EHBP1: variants seen among roughly 807,000 people sequenced by gnomAD.
The protein encoded by EHBP1 is EH domain binding protein 1.
In EHBP1, 55 loss-of-function variants were observed where a neutral mutation model predicts 144.0. The ratio of observed to expected loss-of-function variants is 0.38; its 90% CI spans 0.31 to 0.48. The LOEUF is 0.48. EHBP1 is among the 20% of genes least tolerant of loss of function. The pLI, the probability that EHBP1 is intolerant of heterozygous loss-of-function variation, is 0.98. For missense variants in EHBP1, 1,200 were observed against 1,364.2 expected, an observed-to-expected ratio of 0.88 and a Z score of 1.90; for synonymous variants, 469 against 472.7, an observed-to-expected ratio of 0.99 and a Z score of 0.10.
intron 21 of EHBP1, among the ~76,000 whole-genome samples, chr2:63,043,269 T>G (rs1574604073): frequency 6.6e-6 from 1 of 152,234 alleles, no homozygotes; most frequent in Non-Finnish European, 1.5e-5. Flanking sequence ...AATTGTGATA[T>G]ATATGGCTGC....
intron 7 of EHBP1, among the ~76,000 whole-genome samples, chr2:62,842,775 G>A (rs2048006333): frequency 6.6e-6 from 1 of 152,090 alleles, no homozygotes; most frequent in Non-Finnish European, 1.5e-5. Flanking sequence ...ATCTCAATTA[G>A]ATACGGGTAC....
At chr2:63,010,503 T>A (rs1354743553) in intron 19 of EHBP1, among the ~76,000 whole-genome samples, 1 of 151,678 alleles carries the variant, frequency 6.6e-6, no homozygotes, top group East Asian at 1.9e-4. Flanking sequence ...TTGAGTCTCC[T>A]AAGTAAACTA....
At chr2:62,868,061 C>T (rs1362251904) in intron 9 of EHBP1, among the ~76,000 whole-genome samples, 11 of 152,008 alleles carry the variant, frequency 7.2e-5, no homozygotes, top group Non-Finnish European at 1.6e-4. Flanking sequence ...ATAGATCACA[C>T]AACTAAAAGT....
chr2:63,033,063 A>G (rs1346662413), intron 19 of EHBP1, among the ~76,000 whole-genome samples: 1 of 152,182 alleles, frequency 6.6e-6, no homozygotes, highest in African/African-American at 2.4e-5. Context: ...ATATAGCTCT[A>G]TTTCCTAAGT....
chr2:62,991,016 G>A (rs1394242061), intron 16 of EHBP1, among the ~76,000 whole-genome samples, 176 bp downstream of exon 16: 1 of 152,096 alleles, frequency 6.6e-6, no homozygotes, highest in Non-Finnish European at 1.5e-5. Flanking sequence ...CCAGCACTTT[G>A]GGAGGCCAAG....
chr2:62,832,058 C>T (rs947139869), intron 7 of EHBP1, among the ~76,000 whole-genome samples: 1 of 152,172 alleles, frequency 6.6e-6, no homozygotes, highest in Non-Finnish European at 1.5e-5. Context: ...ACTGCTCAGA[C>T]TTGTGTGCAA....
At chr2:62,680,518 A>G (rs1333111826) in intron 1 of EHBP1, among the ~76,000 whole-genome samples, 1 of 151,964 alleles carries the variant, frequency 6.6e-6, no homozygotes, top group African/African-American at 2.4e-5. Context: ...GGGAGGGGGG[A>G]AAAGGGAAGG....
chr2:62,987,344 C>T (rs1188366954), intron 15 of EHBP1, among the ~76,000 whole-genome samples: 2 of 152,066 alleles, frequency 1.3e-5, no homozygotes, highest in African/African-American at 2.4e-5. Context: ...TTTTGCTCTA[C>T]CAAGATTTAT....
chr2:62,915,508 GAC>G (rs1343537682), intron 10 of EHBP1, among the ~76,000 whole-genome samples: 1 of 151,836 alleles, frequency 6.6e-6, no homozygotes, highest in Non-Finnish European at 1.5e-5. Flanking sequence ...TGCTGAATAA[GAC>G]AGCACGCTAT....
chr2:62,958,596 T>G (rs2057837784), intron 14 of EHBP1, among the ~76,000 whole-genome samples: 1 of 152,204 alleles, frequency 6.6e-6, no homozygotes, highest in Non-Finnish European at 1.5e-5. Flanking sequence ...TAGAAAAGAT[T>G]TATAGCTTTA....
At chr2:62,719,035 G>A (rs1269628118) in intron 2 of EHBP1, among the ~76,000 whole-genome samples, 1 of 149,974 alleles carries the variant, frequency 6.7e-6, no homozygotes, top group Admixed American at 6.7e-5. Flanking sequence ...AGGCTGGAGT[G>A]TAGTGGTGCA....
At chr2:62,988,387 G>A (rs919331552) in intron 15 of EHBP1, among the ~76,000 whole-genome samples, 1 of 152,068 alleles carries the variant, frequency 6.6e-6, no homozygotes, top group Non-Finnish European at 1.5e-5. Context: ...TATTCCACAT[G>A]TAAATCCAAA....
At chr2:62,905,803 G>A (rs1308876957) in intron 10 of EHBP1, among the ~76,000 whole-genome samples, 2 of 151,926 alleles carry the variant, frequency 1.3e-5, no homozygotes, top group Non-Finnish European at 2.9e-5. Context: ...CAGCCTGGGC[G>A]ACAGGGTGAG....
chr2:63,002,536 A>G (rs1444650743), intron 19 of EHBP1, among the ~76,000 whole-genome samples: 1 of 152,098 alleles, frequency 6.6e-6, no homozygotes, highest in African/African-American at 2.4e-5. Flanking sequence ...ACTTCTCTTC[A>G]TTAAAATCTA....
chr2:62,989,933 C>G (rs1158074875), intron 15 of EHBP1, among the ~76,000 whole-genome samples: 1 of 152,018 alleles, frequency 6.6e-6, no homozygotes, highest in Admixed American at 6.6e-5. Flanking sequence ...AAAGTAATGA[C>G]AATAGCATTT....
intron 2 of EHBP1, among the ~76,000 whole-genome samples, chr2:62,729,523 A>AATATAATATATATAATATATATTAT (rs1348726993): frequency 1.4e-4 from 13 of 91,868 alleles, no homozygotes; most frequent in South Asian, 2.8e-4. Context: ...AAAATAAATA[A>AATATAATATATATAATATATATTAT]ATATAATATA....
At position 62,949,064 on chromosome 2, in the gene EHBP1, G is replaced by A. The variant is rs775333015; in HGVS notation, c.2218G>A (p.Ala740Thr). The stretch of plus-strand genomic sequence containing the variant: ...CTCATATAGTAGAGATCTAGACCTT[G>A]CTAAGAAAAAACATGCTTCCCTGAG... The part of the protein sequence containing the change: ...GYSYSRDLDL[A>T]KKKHASLRQT... The change falls in exon 13 of 23, where the codon GCT becomes ACT. Residue 740 changes from alanine (A) to threonine (T), a missense_variant. By Grantham distance (58) the Ala-to-Thr change is moderately conservative (BLOSUM62 0). Around this residue, in one of 6 missense-constraint regions of EHBP1, gnomAD observed 543 missense variants for 513.1 expected, o/e 1.06. Coordinates refer to ENST00000431489, the MANE Select transcript of EHBP1 (RefSeq NM_001142616.3). The A allele has an allele frequency of 6.2e-6, 10 of 1,607,996 alleles. No individual in the cohort carries two copies. The East Asian group carries it at 2.2e-4, about 36-fold the overall frequency.
intron 7 of EHBP1, among the ~76,000 whole-genome samples, chr2:62,840,833 G>A (rs372877144): frequency 4.5e-4 from 69 of 151,968 alleles, no homozygotes; most frequent in South Asian, 3.3e-3. Flanking sequence ...TAAAAAGTCA[G>A]GAAACAACAT....
At chr2:63,000,498 C>T (rs539445391) in intron 19 of EHBP1, among the ~76,000 whole-genome samples, 10 of 151,870 alleles carry the variant, frequency 6.6e-5, no homozygotes, top group African/African-American at 2.4e-4. Context: ...GAGTTCGAGA[C>T]CAGCCTGGCT....
Sources: gnomAD v4.1 joint callset for allele counts (sites outside exome capture counted in the v4.1 genomes callset) on GRCh38, gnomAD v4.1.1 for gene constraint, gnomAD v4.1.1 regional missense constraint, MANE v1.5 for transcripts, NCBI Gene and HGNC (gene_info 2026-07-23, HGNC 2026-07-21) for gene names.